Variants in CAMK2B observed in about 807,000 individuals in gnomAD.
CAMK2B encodes calcium/calmodulin dependent protein kinase II beta.
CAMK2B carries 27 observed loss-of-function variants against 93.7 expected under a neutral mutation model. That is an observed-to-expected ratio of 0.29 (90% CI 0.21 to 0.40). The LOEUF (loss-of-function observed/expected upper bound fraction) is 0.40. Ranked by LOEUF, CAMK2B falls within the 10% of genes least tolerant of loss-of-function variation. The pLI, the probability that CAMK2B is intolerant of heterozygous loss-of-function variation, is 1.00. For synonymous variants in CAMK2B, 374 were observed against 358.8 expected (o/e 1.04, Z -0.48); for missense variants, 568 against 895.8 (o/e 0.63, Z 4.67).
chr7:44,242,115 G>A, intron 10 of CAMK2B, 103 bp downstream of exon 10: 4 of 1,394,584 alleles, frequency 2.9e-6, no homozygotes, highest in Non-Finnish European at 3.9e-6. Context: ...GGAGCTCTTG[G>A]ATGTCAGGAA....
At position 44,286,488 on chromosome 7, in the gene CAMK2B, G is replaced by A. The variant is rs1643810805; in HGVS notation, c.66-2263C>T. ...TCCCCGGAGCAGGGAGGAGACCCAA[G>A]CGCAGCTTCCCACCAGCACAGCAGG... is the stretch of plus-strand genomic sequence containing the variant. On this transcript the variant is annotated intron_variant, in intron 1 of 23. Coordinates refer to ENST00000395749, the MANE Select transcript of CAMK2B (RefSeq NM_001220.5). The surrounding 1 kb of genome is among the most constrained non-coding windows in gnomAD (Gnocchi z 4.0). Among the ~76,000 whole-genome samples, 1 of 152,218 alleles carries A rather than the reference G, an allele frequency of 6.6e-6. No individual in the cohort carries two copies. The highest frequency in any genetic ancestry group is 2.1e-4 in the South Asian group (1 of 4,832).
chr7:44,257,318 T>A (rs1435553375), intron 4 of CAMK2B, among the ~76,000 whole-genome samples: 1 of 152,066 alleles, frequency 6.6e-6, no homozygotes, highest in African/African-American at 2.4e-5. Flanking sequence ...CCTTCCTGAC[T>A]CGCCAGCCAA....
chr7:44,275,775 C>T (rs535524842), intron 2 of CAMK2B, among the ~76,000 whole-genome samples: 7 of 152,152 alleles, frequency 4.6e-5, no homozygotes, highest in Admixed American at 1.3e-4. Flanking sequence ...GGCAGGCATG[C>T]GGTGCCCCCA....
intron 3 of CAMK2B, among the ~76,000 whole-genome samples, chr7:44,260,489 C>G (rs1266910097): frequency 6.6e-6 from 1 of 152,224 alleles, no homozygotes; most frequent in African/African-American, 2.4e-5. Flanking sequence ...AGGGCAAGCC[C>G]AGCCCCTGCC....
intron 2 of CAMK2B, among the ~76,000 whole-genome samples, chr7:44,282,988 T>G (rs2097114289): frequency 6.6e-6 from 1 of 152,128 alleles, no homozygotes; most frequent in Non-Finnish European, 1.5e-5. Flanking sequence ...CTTGGCTCCC[T>G]CTACCAGGGC....
chr7:44,256,290 T>C (rs745465332), intron 4 of CAMK2B, among the ~76,000 whole-genome samples: 10 of 152,244 alleles, frequency 6.6e-5, no homozygotes, highest in Non-Finnish European at 1.0e-4. Flanking sequence ...CGTGTTCACA[T>C]GTGTGGATGC....
At chr7:44,253,577 G>A (rs902988917) in intron 5 of CAMK2B, among the ~76,000 whole-genome samples, 3 of 151,998 alleles carry the variant, frequency 2.0e-5, no homozygotes, top group Middle Eastern at 3.4e-3. Flanking sequence ...ACCACCTAGC[G>A]AGGTCCTCCG....
At position 44,225,763 on chromosome 7, in the gene CAMK2B, C is replaced by G. The variant is rs1274603155; in HGVS notation, c.1597+753G>C. ...CCCCACCTGTCCCTCAAGTACTTAC[C>G]TAGCCACTGCCCTGCCATGCCGAGC... On this transcript the variant is annotated intron_variant, in intron 20 of 23. Coordinates refer to ENST00000395749, the MANE Select transcript of CAMK2B (RefSeq NM_001220.5). This position sits in a 1 kb window ranked among gnomAD's most constrained non-coding sequence, Gnocchi z 5.0. 7 of 1,289,384 alleles carry G rather than the reference C, an allele frequency of 5.4e-6. No homozygotes were observed. The highest frequency in any genetic ancestry group is 1.2e-5 in the South Asian group (1 of 81,036). 79.9% of individuals were successfully genotyped at this position (1,289,384 alleles called of 1,614,324 possible).
chr7:44,241,892 G>A (rs1258553964), intron 10 of CAMK2B, 109 bp from the exon 11 acceptor site: 5 of 836,524 alleles, frequency 6.0e-6, no homozygotes, highest in African/African-American at 1.7e-5. Flanking sequence ...AGAGCCACCG[G>A]CCACCATTGC....
intron 1 of CAMK2B, among the ~76,000 whole-genome samples, chr7:44,299,531 A>C (rs1181490040): frequency 1.3e-5 from 2 of 152,222 alleles, no homozygotes; most frequent in African/African-American, 4.8e-5. Context: ...AAATAGTAAA[A>C]TTTTTATGTA....
chr7:44,280,927 A>C (rs950088516), intron 2 of CAMK2B, among the ~76,000 whole-genome samples: 5 of 152,176 alleles, frequency 3.3e-5, no homozygotes, highest in African/African-American at 1.2e-4. Flanking sequence ...GAGAGGGATG[A>C]GGGGAAGGGG....
chr7:44,239,536 C>G, intron 13 of CAMK2B, 53 bp downstream of exon 13: 2 of 1,472,862 alleles, frequency 1.4e-6, no homozygotes, highest in Non-Finnish European at 1.8e-6. Context: ...GGGCTGCATG[C>G]TGGCAGGAGG....
At chr7:44,307,151 A>G (rs914371986) in intron 1 of CAMK2B, among the ~76,000 whole-genome samples, 351 of 18,294 alleles carry the variant, frequency 0.019, no homozygotes, top group Non-Finnish European at 0.024. Context: ...GTGTGAGCAG[A>G]GGGAGGAGGG....
rs937796265 is a variant in CAMK2B, at chr7:44,248,874, C to G, written c.342-1682G>C. 1.3e-5 allele frequency among the ~76,000 whole-genome samples: 2 copies of G among 152,116 alleles called. No individual in the cohort carries two copies. Among genetic ancestry groups the G allele is most frequent in the African/African-American group, 4.8e-5 (2 of 41,414 alleles). On this transcript the variant is annotated intron_variant, in intron 5 of 23. Transcript: ENST00000395749. This position sits in a 1 kb window ranked among gnomAD's most constrained non-coding sequence, Gnocchi z 4.1. Reference sequence around the variant, plus strand: ...AAGCCAGGCCCAAACTCATGGGAGACAGCCCCTTGGTGGTGTCACTTCAAT... The same window carrying G: ...AAGCCAGGCCCAAACTCATGGGAGAGAGCCCCTTGGTGGTGTCACTTCAAT...
chr7:44,252,366 G>C (rs1001908113), intron 5 of CAMK2B, among the ~76,000 whole-genome samples: 2 of 151,914 alleles, frequency 1.3e-5, no homozygotes, highest in East Asian at 3.9e-4. Flanking sequence ...CACACAGGGG[G>C]CCAAGAGGGA....
Position 44,228,782 on chromosome 7 carries a change from G to A in CAMK2B, c.1468+14C>T, listed in dbSNP as rs565975789. On this transcript the variant is annotated intron_variant, in intron 19 of 23. Transcript: ENST00000395749. ...CCGGCAGCAGAGGCGGCAGGCCTGG[G>A]GGCCACTACTTACACGGGGAGGACA... is the stretch of plus-strand genomic sequence containing the variant. 43 of 1,461,654 alleles carry A rather than the reference G, an allele frequency of 2.9e-5. No homozygotes were observed. In the East Asian group the frequency reaches 9.3e-4, roughly 32 times the overall value. The allele number at this position is 1,461,654 out of a possible 1,614,324, so 90.5% of individuals were successfully genotyped here. A position where few individuals can be genotyped will look rare whatever the true frequency, so the allele number is the denominator to read the frequency against.
chr7:44,308,599 G>A (rs1478080069), intron 1 of CAMK2B, among the ~76,000 whole-genome samples: 4 of 152,268 alleles, frequency 2.6e-5, no homozygotes, highest in Admixed American at 1.3e-4. Context: ...AGGGACACCC[G>A]GAGGGCAGGA....
At chr7:44,232,682 G>A in intron 16 of CAMK2B, 140 bp downstream of exon 16, 1 of 786,390 alleles carries the variant, frequency 1.3e-6, no homozygotes, top group South Asian at 1.6e-5. Flanking sequence ...GACGGACTGG[G>A]GCCCTACCGT....
chr7:44,307,644 G>A (rs1372885992), intron 1 of CAMK2B, among the ~76,000 whole-genome samples: 3 of 152,086 alleles, frequency 2.0e-5, no homozygotes, highest in Non-Finnish European at 4.4e-5. Flanking sequence ...TACGGTGCCT[G>A]TGTCCTAGGG....
Sources: allele counts gnomAD v4.1 joint callset (sites outside exome capture counted in the v4.1 genomes callset), GRCh38; gene constraint gnomAD v4.1.1; non-coding constraint Gnocchi (gnomAD v3.1); transcripts MANE v1.5; gene names NCBI Gene and HGNC (gene_info 2026-07-23, HGNC 2026-07-21).